The following MEIS2 variants were observed in gnomAD, a reference collection of about 807,000 sequenced individuals.
The protein encoded by MEIS2 is homeobox protein Meis2.
A neutral mutation model predicts 58.6 loss-of-function variants in MEIS2; 9 were observed. The ratio of observed to expected loss-of-function variants is 0.15; its 90% CI spans 0.09 to 0.27. The LOEUF (loss-of-function observed/expected upper bound fraction) is 0.27. Ranked by LOEUF, MEIS2 falls within the 10% of genes least tolerant of loss-of-function variation. The pLI is 1.00. For missense variants in MEIS2, 427 were observed against 635.0 expected (o/e 0.67, Z 3.52); for synonymous variants, 221 against 228.4 (o/e 0.97, Z 0.29).
At chr15:36,954,975 G>T (rs925335698) in intron 8 of MEIS2, among the ~76,000 whole-genome samples, 1 of 152,096 alleles carries the variant, frequency 6.6e-6, no homozygotes, top group African/African-American at 2.4e-5. Context: ...CCCTAATGTG[G>T]ATAATAAAAA....
chr15:37,069,110 C>A (rs1890341990), intron 7 of MEIS2, among the ~76,000 whole-genome samples: 1 of 152,036 alleles, frequency 6.6e-6, no homozygotes, highest in Non-Finnish European at 1.5e-5. Flanking sequence ...TTTATACTGG[C>A]AGAAAATGAG....
intron 8 of MEIS2, among the ~76,000 whole-genome samples, chr15:37,029,287 A>G (rs2061822971): frequency 6.6e-6 from 1 of 152,190 alleles, no homozygotes; most frequent in South Asian, 2.1e-4. Flanking sequence ...ACTTGCATGC[A>G]TGTGAACATT....
chr15:36,937,720 T>C (rs2058227131), intron 9 of MEIS2, among the ~76,000 whole-genome samples: 1 of 152,160 alleles, frequency 6.6e-6, no homozygotes, highest in South Asian at 2.1e-4. Context: ...TTTGTTGTTG[T>C]TGTTTTGCTG....
chr15:36,948,688 C>T (rs979935657), intron 9 of MEIS2, among the ~76,000 whole-genome samples: 1 of 151,956 alleles, frequency 6.6e-6, no homozygotes, highest in Non-Finnish European at 1.5e-5. Context: ...GCAAACAAGT[C>T]TCCTGTAGTT....
At chr15:36,935,345 C>G (rs746428917) in intron 9 of MEIS2, among the ~76,000 whole-genome samples, 1 of 151,974 alleles carries the variant, frequency 6.6e-6, no homozygotes, top group Non-Finnish European at 1.5e-5. Context: ...CAAACCCAAA[C>G]TAAATTTTTT....
intron 1 of MEIS2, chr15:37,098,419 A>AGAGG (rs2140102069): frequency 8.3e-7 from 1 of 1,197,642 alleles, no homozygotes; most frequent in Admixed American, 3.9e-5. Flanking sequence ...AGAGAGAGAG[A>AGAGG]GAGAGAAAAT....
chr15:36,925,063 G>T (rs1396802151), intron 9 of MEIS2, among the ~76,000 whole-genome samples: 1 of 152,088 alleles, frequency 6.6e-6, no homozygotes, highest in Non-Finnish European at 1.5e-5. Context: ...GTGACTGTCT[G>T]GCACTGTTTC....
chr15:37,022,396 C>G (rs1279276401), intron 8 of MEIS2, among the ~76,000 whole-genome samples: 1 of 152,110 alleles, frequency 6.6e-6, no homozygotes, highest in African/African-American at 2.4e-5. Flanking sequence ...ACCAGCACAC[C>G]CAGCTAATTT....
rs1307479311 is a variant in MEIS2, at chr15:37,099,705, A to C, written c.-239T>G. The C allele has an allele frequency of 1.6e-5, 7 of 441,244 alleles. No homozygotes were observed. The highest frequency in any genetic ancestry group is 7.4e-5 in the East Asian group (2 of 27,110). 27.3% of individuals were successfully genotyped at this position (441,244 alleles called of 1,614,324 possible). On this transcript the variant is annotated 5_prime_UTR_variant, in exon 1 of 12. Coordinates refer to ENST00000561208, the MANE Select transcript of MEIS2 (RefSeq NM_170675.5). ...TTTCCTCTTCTTCCTCCTCCTCCTGATCTTCCTCCTCCTCCTCCACCTCCT... is the reference window on the plus strand; with the variant it reads ...TTTCCTCTTCTTCCTCCTCCTCCTGCTCTTCCTCCTCCTCCTCCACCTCCT...
At chr15:37,031,815 T>TGTGTGTGTGTGTG (rs2061937382) in intron 8 of MEIS2, among the ~76,000 whole-genome samples, 2 of 134,126 alleles carry the variant, frequency 1.5e-5, no homozygotes, top group African/African-American at 5.6e-5. Flanking sequence ...TTACATCACT[T>TGTGTGTGTGTGTG]TGTGTGTGTG....
chr15:37,019,377 T>C (rs1306331035), intron 8 of MEIS2, among the ~76,000 whole-genome samples: 3 of 152,214 alleles, frequency 2.0e-5, no homozygotes, highest in African/African-American at 7.2e-5. Flanking sequence ...TTGATATTTT[T>C]ACATTCTTTT....
chr15:36,925,847 C>G (rs1329042583), intron 9 of MEIS2, among the ~76,000 whole-genome samples: 4 of 152,100 alleles, frequency 2.6e-5, no homozygotes, highest in Non-Finnish European at 5.9e-5. Context: ...GCTCGTTTGC[C>G]GCTGCTCATT....
At position 36,971,553 on chromosome 15, in the gene MEIS2, A is replaced by AAAAAAAAAAAAAAAAAAAAAAG. The variant is rs1555438306; in HGVS notation, c.901-21154_901-21153insCTTTTTTTTTTTTTTTTTTTTT. ...TTGTTACATTAAAAAAAAAAAAAAA[A>AAAAAAAAAAAAAAAAAAAAAAG]AAAAAAAAAAAGGGCTGTTCCAGTG... On this transcript the variant is annotated intron_variant, in intron 8 of 11. Coordinates refer to ENST00000561208, the MANE Select transcript of MEIS2 (RefSeq NM_170675.5). Among the ~76,000 whole-genome samples, 75 of 132,062 alleles carry AAAAAAAAAAAAAAAAAAAAAAG rather than the reference A, an allele frequency of 5.7e-4. 3 individuals are homozygous for AAAAAAAAAAAAAAAAAAAAAAG. The highest frequency in any genetic ancestry group is 2.3e-3 in the East Asian group (9 of 3,844). The allele number at this position is 132,062 out of a possible 152,430, so 86.6% of individuals were successfully genotyped here.
intron 6 of MEIS2, among the ~76,000 whole-genome samples, chr15:37,084,115 G>A (rs1244470144): frequency 6.6e-6 from 1 of 151,846 alleles, no homozygotes; most frequent in Non-Finnish European, 1.5e-5. Flanking sequence ...TGTATATGTT[G>A]GTTAAAACTA....
At chr15:36,892,766 A>C (rs1398978566) in intron 11 of MEIS2, among the ~76,000 whole-genome samples, 2 of 152,196 alleles carry the variant, frequency 1.3e-5, no homozygotes, top group East Asian at 3.9e-4. Context: ...TAAGAATATA[A>C]ATTTTGAGTC....
At chr15:37,053,008 C>T (rs74979109) in intron 7 of MEIS2, among the ~76,000 whole-genome samples, 3,630 of 152,250 alleles carry the variant, frequency 0.024, 146 homozygotes, top group African/African-American at 0.083. Flanking sequence ...GGCACCAACA[C>T]GGCTTTATTC....
intron 7 of MEIS2, among the ~76,000 whole-genome samples, chr15:37,083,076 T>G (rs1267508469): frequency 6.6e-6 from 1 of 152,196 alleles, no homozygotes; most frequent in Non-Finnish European, 1.5e-5. Flanking sequence ...GATGAGTCAT[T>G]CCTACCAATA....
At chr15:37,097,482 G>A (rs1894417223) in intron 2 of MEIS2, 2 of 155,592 alleles carry the variant, frequency 1.3e-5, no homozygotes, top group African/African-American at 2.4e-5. Flanking sequence ...AGGACTTCCT[G>A]GCCGACAGAA....
intron 6 of MEIS2, among the ~76,000 whole-genome samples, chr15:37,090,221 G>A (rs1893353275): frequency 6.6e-6 from 1 of 151,490 alleles, no homozygotes; most frequent in African/African-American, 2.4e-5. Flanking sequence ...AAAAACATAA[G>A]CATGCATTAT....
Sources: gnomAD v4.1 joint callset for allele counts (sites outside exome capture counted in the v4.1 genomes callset) on GRCh38, gnomAD v4.1.1 for gene constraint, MANE v1.5 for transcripts, NCBI Gene and HGNC (gene_info 2026-07-23, HGNC 2026-07-21) for gene names.